Variants in PIAS1 observed in about 807,000 individuals in gnomAD.
The protein encoded by PIAS1 is protein inhibitor of activated STAT 1.
Under a neutral mutation model 71.3 loss-of-function variants are expected in PIAS1, and 6 were observed. That is an observed-to-expected ratio of 0.08 (90% CI 0.05 to 0.17). The LOEUF is 0.17. PIAS1 is among the 10% of genes least tolerant of loss of function. PIAS1 has a pLI of 1.00. For missense variants in PIAS1, 555 were observed against 793.6 expected, an observed-to-expected ratio of 0.70 and a Z score of 3.61; for synonymous variants, 303 against 292.9, an observed-to-expected ratio of 1.03 and a Z score of -0.35.
At chr15:68,182,427 T>TGTGGCTA (rs1294722338) in intron 12 of PIAS1, among the ~76,000 whole-genome samples, 1 of 19,230 alleles carries the variant, frequency 5.2e-5, no homozygotes, top group Non-Finnish European at 1.3e-4. Flanking sequence ...TTACAGCTAG[T>TGTGGCTA]GTGTGTGTGT....
rs1270488714 is a variant in PIAS1, at chr15:68,191,946, G to T, written c.*4111G>T. On this transcript the variant is annotated 3_prime_UTR_variant, in exon 14 of 14. Transcript: ENST00000249636. ...AATGACCATTCCACACCAACTGTGT[G>T]TTTTTGGCAAGTTATATTTCAGATT... 2 of 152,196 alleles carry T rather than the reference G, an allele frequency of 1.3e-5. No individual in the cohort carries two copies. The highest frequency in any genetic ancestry group is 4.8e-5 in the African/African-American group (2 of 41,444). The allele number at this position is 152,196 out of a possible 1,614,324, so 9.4% of individuals were successfully genotyped here. A position where few individuals can be genotyped will look rare whatever the true frequency, so the allele number is the denominator to read the frequency against.
At chr15:68,147,788 C>T (rs2092818654) in intron 6 of PIAS1, among the ~76,000 whole-genome samples, 1 of 152,112 alleles carries the variant, frequency 6.6e-6, no homozygotes, top group African/African-American at 2.4e-5. Context: ...ATAGCTGGTT[C>T]TAACACTGTT....
At chr15:68,146,345 A>G (rs146720320) in intron 5 of PIAS1, among the ~76,000 whole-genome samples, 1 of 152,248 alleles carries the variant, frequency 6.6e-6, no homozygotes, top group Non-Finnish European at 1.5e-5. Flanking sequence ...GAGATTTTGA[A>G]TTTTCATCAC....
chr15:68,059,381 A>G (rs1284231687), intron 1 of PIAS1, among the ~76,000 whole-genome samples: 1 of 152,090 alleles, frequency 6.6e-6, no homozygotes, highest in Non-Finnish European at 1.5e-5. Flanking sequence ...TATTTTAACT[A>G]AATATATTGA....
At chr15:68,109,556 A>G (rs1203999695) in intron 2 of PIAS1, among the ~76,000 whole-genome samples, 1 of 152,190 alleles carries the variant, frequency 6.6e-6, no homozygotes, top group East Asian at 1.9e-4. Flanking sequence ...TGTCAAGACC[A>G]TGTTTAGGCA....
At position 68,088,182 on chromosome 15, in the gene PIAS1, A is replaced by G. The variant is rs1228710245; in HGVS notation, c.469+1432A>G. ...TCTGTCTGATTATGTGTGTGTATAT[A>G]TATATATATATATATATATCCCATT... On this transcript the variant is annotated intron_variant, in intron 2 of 13. Transcript: ENST00000249636. 1.2e-4 allele frequency among the ~76,000 whole-genome samples: 17 copies of G among 137,040 alleles called. 1 individual carries two copies. Among genetic ancestry groups the G allele is most frequent in the East Asian group, 6.5e-4 (3 of 4,616 alleles). 89.9% of individuals were successfully genotyped at this position (137,040 alleles called of 152,430 possible).
chr15:68,170,610 A>G (rs1351419491), intron 8 of PIAS1, among the ~76,000 whole-genome samples: 2 of 151,834 alleles, frequency 1.3e-5, no homozygotes, highest in Non-Finnish European at 2.9e-5. Context: ...AATTTAAAAT[A>G]TTTTTCTTTC....
intron 7 of PIAS1, among the ~76,000 whole-genome samples, chr15:68,155,275 A>G (rs2092879574): frequency 6.6e-6 from 1 of 152,096 alleles, no homozygotes; most frequent in Non-Finnish European, 1.5e-5. Context: ...AGTCTGATAT[A>G]CTGATGGATG....
At chr15:68,055,214 A>C in intron 1 of PIAS1, 1 of 985,352 alleles carries the variant, frequency 1.0e-6, no homozygotes, top group Non-Finnish European at 1.2e-6. Flanking sequence ...CATGATGGCG[A>C]TGCTGTAGCT....
chr15:68,135,086 G>A (rs1208720340), intron 2 of PIAS1, among the ~76,000 whole-genome samples: 3 of 47,226 alleles, frequency 6.4e-5, no homozygotes, highest in Non-Finnish European at 1.8e-4. Flanking sequence ...GTGGCTGGCC[G>A]GGCGGGGGGC....
In PIAS1 at chr15:68,173,342, G is replaced by A. The variant is rs923846107; in HGVS notation, c.1009-390G>A. Among the ~76,000 whole-genome samples the A allele has an allele frequency of 3.9e-5, 6 of 151,954 alleles. No individual in the cohort carries two copies. The East Asian group carries it at 1.2e-3, about 29-fold the overall frequency. On this transcript the variant is annotated intron_variant, in intron 8 of 13. Transcript: ENST00000249636. This position sits in a 1 kb window ranked among gnomAD's most constrained non-coding sequence, Gnocchi z 4.3. ...TGAATAAGAGTTGGCACTTCAGCCT[G>A]GGCAATATAGCAAGACCCCATCTGT...
intron 2 of PIAS1, among the ~76,000 whole-genome samples, chr15:68,122,003 C>T (rs1472995128): frequency 2.0e-5 from 3 of 152,124 alleles, no homozygotes; most frequent in African/African-American, 7.2e-5. Context: ...GTGGCACACA[C>T]CTGTAGTCCC....
chr15:68,076,456 C>T (rs557591537), intron 1 of PIAS1, among the ~76,000 whole-genome samples: 5 of 152,082 alleles, frequency 3.3e-5, no homozygotes, highest in South Asian at 2.1e-4. Flanking sequence ...GCCAAGACTG[C>T]GCCACTGCAC....
intron 1 of PIAS1, among the ~76,000 whole-genome samples, chr15:68,064,682 C>G (rs1414427307): frequency 2.0e-5 from 3 of 152,160 alleles, no homozygotes; most frequent in African/African-American, 7.2e-5. Context: ...TAAAAATACT[C>G]TATTTTTTCC....
intron 2 of PIAS1, among the ~76,000 whole-genome samples, chr15:68,111,282 G>A (rs1011773062): frequency 6.6e-6 from 1 of 152,152 alleles, no homozygotes; most frequent in African/African-American, 2.4e-5. Context: ...GGGTTGGCAA[G>A]ATTTAACTAG....
At chr15:68,166,573 T>C (rs1312737149) in intron 8 of PIAS1, among the ~76,000 whole-genome samples, 2 of 152,162 alleles carry the variant, frequency 1.3e-5, no homozygotes. Context: ...GAAAAGTACA[T>C]ACACTTCATT....
intron 2 of PIAS1, among the ~76,000 whole-genome samples, chr15:68,107,969 A>G (rs761123028): frequency 5.1e-4 from 78 of 152,218 alleles, no homozygotes; most frequent in Non-Finnish European, 9.1e-4. Context: ...TAGAAAATCA[A>G]CAGTGAGGAA....
chr15:68,055,982 T>C (rs2091891987), intron 1 of PIAS1: 2 of 690,572 alleles, frequency 2.9e-6, no homozygotes, highest in South Asian at 3.0e-5. Flanking sequence ...GGAGAGCAGA[T>C]TTACAATGGA....
At chr15:68,159,664 A>G (rs1033725184) in intron 7 of PIAS1, among the ~76,000 whole-genome samples, 2 of 152,150 alleles carry the variant, frequency 1.3e-5, no homozygotes, top group Non-Finnish European at 2.9e-5. Flanking sequence ...TATTTCATTT[A>G]TGTACTATAA....
Sources: gnomAD v4.1 joint callset for allele counts (sites outside exome capture counted in the v4.1 genomes callset) on GRCh38, gnomAD v4.1.1 for gene constraint, Gnocchi (gnomAD v3.1) non-coding constraint, MANE v1.5 for transcripts, NCBI Gene and HGNC (gene_info 2026-07-23, HGNC 2026-07-21) for gene names.